Variants in HS6ST3 observed in about 807,000 individuals in gnomAD.
HS6ST3 encodes the protein heparan sulfate 6-O-sulfotransferase 3.
A neutral mutation model predicts 36.7 loss-of-function variants in HS6ST3; 12 were observed. That is an observed-to-expected ratio of 0.33 (90% CI 0.21 to 0.53). The LOEUF (loss-of-function observed/expected upper bound fraction) is 0.53, where lower values mean the gene tolerates loss of function less well. HS6ST3 is among the 20% of genes least tolerant of loss of function. The pLI, the probability that HS6ST3 is intolerant of heterozygous loss-of-function variation, is 0.95. For missense variants in HS6ST3, 584 were observed against 640.9 expected, an observed-to-expected ratio of 0.91 and a Z score of 0.96; for synonymous variants, 240 against 257.5, an observed-to-expected ratio of 0.93 and a Z score of 0.65.
intron 1 of HS6ST3, among the ~76,000 whole-genome samples, chr13:96,229,393 T>C (rs927865685): frequency 6.6e-6 from 1 of 152,206 alleles, no homozygotes; most frequent in Non-Finnish European, 1.5e-5. Flanking sequence ...CAGGCACTTA[T>C]CTCTCACAGT....
intron 1 of HS6ST3, among the ~76,000 whole-genome samples, chr13:96,235,808 G>T (rs1292425453): frequency 2.0e-5 from 3 of 152,026 alleles, no homozygotes; most frequent in Non-Finnish European, 4.4e-5. Context: ...TATTTTTATG[G>T]CTGTATTAGT....
chr13:96,269,479 G>C (rs913866256), intron 1 of HS6ST3, among the ~76,000 whole-genome samples: 3 of 151,974 alleles, frequency 2.0e-5, no homozygotes, highest in Admixed American at 2.0e-4. Context: ...TGTTAACCTA[G>C]AGACAAGGTG....
At chr13:96,558,722 C>G (rs976125549) in intron 1 of HS6ST3, among the ~76,000 whole-genome samples, 20 of 152,154 alleles carry the variant, frequency 1.3e-4, no homozygotes, top group African/African-American at 4.8e-4. Context: ...TTTCAATCCT[C>G]ATTTTAAGAA....
At chr13:96,333,871 A>G (rs906637830) in intron 1 of HS6ST3, among the ~76,000 whole-genome samples, 1 of 152,180 alleles carries the variant, frequency 6.6e-6, no homozygotes, top group South Asian at 2.1e-4. Context: ...ACAGGGTAAC[A>G]GCAAGCTGGA....
At chr13:96,554,085 G>A (rs1157027370) in intron 1 of HS6ST3, among the ~76,000 whole-genome samples, 2 of 152,190 alleles carry the variant, frequency 1.3e-5, no homozygotes, top group East Asian at 3.9e-4. Flanking sequence ...AAATAGATGT[G>A]AACATGTTCA....
At chr13:96,539,306 G>A (rs1412098083) in intron 1 of HS6ST3, among the ~76,000 whole-genome samples, 8 of 151,790 alleles carry the variant, frequency 5.3e-5, no homozygotes, top group Non-Finnish European at 7.4e-5. Flanking sequence ...CTATGACTAC[G>A]ACTATAAAAT....
chr13:96,178,491 A>G (rs556118193), intron 1 of HS6ST3, among the ~76,000 whole-genome samples: 18 of 152,082 alleles, frequency 1.2e-4, no homozygotes, highest in Non-Finnish European at 2.1e-4. Flanking sequence ...GGAACTATAC[A>G]CTGTGCTGGT....
At chr13:96,787,614 A>G (rs1877683155) in intron 1 of HS6ST3, among the ~76,000 whole-genome samples, 2 of 151,920 alleles carry the variant, frequency 1.3e-5, no homozygotes, top group South Asian at 4.1e-4. Flanking sequence ...CACATTTCTA[A>G]TTAAGTTGTC....
intron 1 of HS6ST3, among the ~76,000 whole-genome samples, chr13:96,210,060 T>G (rs1176070308): frequency 2.6e-5 from 4 of 152,204 alleles, no homozygotes; most frequent in African/African-American, 4.8e-5. Flanking sequence ...ATTGAGTGAT[T>G]GAAAGACTGA....
chr13:96,832,615 C>T lies in HS6ST3; in HGVS notation c.833C>T (p.Pro278Leu), dbSNP rs1205117891. Residue 278 changes from proline to leucine, a missense_variant, in exon 2 of 2, where the codon CCA (proline) becomes CTA (leucine). Around this residue, in one of 3 missense-constraint regions of HS6ST3, gnomAD observed 360 missense variants for 411.3 expected, o/e 0.88. Transcript: ENST00000376705. ...LHMCDGRSPT[P>L]DELPTCYPGD... ...ATGTGTGATGGAAGAAGCCCCACCC[C>T]AGATGAGCTGCCTACCTGCTACCCT... is the stretch of plus-strand genomic sequence containing the variant. 6.2e-7 allele frequency: 1 copy of T among 1,614,158 alleles called. No individual in the cohort carries two copies. The highest frequency in any genetic ancestry group is 1.7e-5 in the Admixed American group (1 of 60,030).
intron 1 of HS6ST3, among the ~76,000 whole-genome samples, chr13:96,571,014 T>C (rs1320281706): frequency 6.6e-6 from 1 of 152,180 alleles, no homozygotes; most frequent in Non-Finnish European, 1.5e-5. Context: ...GTGGTAATCA[T>C]GTTAAGAAAG....
At chr13:96,285,209 T>A (rs550943251) in intron 1 of HS6ST3, among the ~76,000 whole-genome samples, 1 of 152,260 alleles carries the variant, frequency 6.6e-6, no homozygotes, top group South Asian at 2.1e-4. Context: ...AGCTGAAAGA[T>A]CTACAACTCT....
intron 1 of HS6ST3, among the ~76,000 whole-genome samples, chr13:96,454,447 TA>T (rs995476200): frequency 7.9e-4 from 120 of 152,328 alleles, no homozygotes; most frequent in African/African-American, 2.9e-3. Flanking sequence ...TGTAGTCATT[TA>T]AGTGAACGAC....
intron 1 of HS6ST3, among the ~76,000 whole-genome samples, chr13:96,183,202 CG>C (rs967398051): frequency 1.8e-4 from 28 of 151,414 alleles, no homozygotes; most frequent in East Asian, 5.8e-4. Context: ...TTTTTTTTGG[CG>C]GGGGGGAAGT....
intron 1 of HS6ST3, among the ~76,000 whole-genome samples, chr13:96,536,485 T>C (rs2056155828): frequency 6.6e-6 from 1 of 152,194 alleles, no homozygotes; most frequent in Non-Finnish European, 1.5e-5. Context: ...CAGGGATGCT[T>C]AGAGAAAAAT....
At chr13:96,393,928 C>A (rs2055408218) in intron 1 of HS6ST3, among the ~76,000 whole-genome samples, 1 of 152,102 alleles carries the variant, frequency 6.6e-6, no homozygotes, top group South Asian at 2.1e-4. Context: ...CATCCAGATG[C>A]TAGTGATCGT....
At position 96,091,159 on chromosome 13, in the gene HS6ST3, G is replaced by GGAGGGGGAGGAA; in HGVS notation, c.302_313dup (p.Gly101_Glu104dup). 1 of 1,541,680 alleles carries GGAGGGGGAGGAA rather than the reference G, an allele frequency of 6.5e-7. No homozygotes were observed. Among genetic ancestry groups the GGAGGGGGAGGAA allele is most frequent in the Non-Finnish European group, 8.8e-7 (1 of 1,142,454 alleles). ...AGGACGAGGAGCCCGGAGACCCCCG[G>GGAGGGGGAGGAA]GAGGGGGAGGAAGAGGAGGAGGAAG... On this transcript the variant is annotated inframe_insertion, in exon 1 of 2. Transcript: ENST00000376705.
At chr13:96,778,337 A>G (rs993915443) in intron 1 of HS6ST3, among the ~76,000 whole-genome samples, 1 of 152,230 alleles carries the variant, frequency 6.6e-6, no homozygotes, top group Non-Finnish European at 1.5e-5. Flanking sequence ...ATCTAATTAA[A>G]CTAAAGAGCT....
chr13:96,207,332 A>T (rs751063087), intron 1 of HS6ST3, among the ~76,000 whole-genome samples: 47 of 152,214 alleles, frequency 3.1e-4, no homozygotes, highest in Non-Finnish European at 6.3e-4. Flanking sequence ...TGCAGAGAAA[A>T]AGGAATGCTT....
Sources: gnomAD v4.1 joint callset for allele counts (sites outside exome capture counted in the v4.1 genomes callset) on GRCh38, gnomAD v4.1.1 for gene constraint, gnomAD v4.1.1 regional missense constraint, MANE v1.5 for transcripts, NCBI Gene and HGNC (gene_info 2026-07-23, HGNC 2026-07-21) for gene names.